The following SEPTIN2 variants were observed in gnomAD, a reference collection of about 807,000 sequenced individuals.
SEPTIN2 encodes septin-2.
A neutral mutation model predicts 46.5 loss-of-function variants in SEPTIN2; 34 were observed. That is an observed-to-expected ratio of 0.73 (90% CI 0.56 to 0.97). SEPTIN2 has a LOEUF of 0.97. Ranked by LOEUF, SEPTIN2 falls within the 50% of genes least tolerant of loss-of-function variation. The probability of loss-of-function intolerance (pLI) is 0.00; values close to 1 mark genes in which losing one functional copy is unlikely to be tolerated. For synonymous variants in SEPTIN2, 175 were observed against 153.4 expected, an observed-to-expected ratio of 1.14 and a Z score of -1.04; for missense variants, 347 against 448.4, an observed-to-expected ratio of 0.77 and a Z score of 2.04.
chr2:241,322,822 G>A (rs2077340220), intron 1 of SEPTIN2, among the ~76,000 whole-genome samples: 1 of 152,042 alleles, frequency 6.6e-6, no homozygotes, highest in Non-Finnish European at 1.5e-5. Context: ...TCTATGTAAT[G>A]AAGTCCCTTA....
chr2:241,324,320 A>G, intron 2 of SEPTIN2, 79 bp downstream of exon 2: 7 of 1,120,704 alleles, frequency 6.2e-6, no homozygotes, highest in Non-Finnish European at 8.0e-6. Context: ...CGGGACTTAT[A>G]TGATTCATTA....
rs73002137 is a variant in SEPTIN2 at position 241,353,101 on chromosome 2, G to A, written c.*1164G>A. 1 of 152,182 alleles carries A rather than the reference G, an allele frequency of 6.6e-6. No individual in the cohort carries two copies. The highest frequency in any genetic ancestry group is 1.5e-5 in the Non-Finnish European group (1 of 68,040). 9.4% of individuals were successfully genotyped at this position (152,182 alleles called of 1,614,324 possible). A position where few individuals can be genotyped will look rare whatever the true frequency, so the allele number is the denominator to read the frequency against. On this transcript the variant is annotated 3_prime_UTR_variant, in exon 13 of 13. Coordinates refer to ENST00000391971, the MANE Select transcript of SEPTIN2 (RefSeq NM_004404.5). Reference sequence around the variant, plus strand: ...TTTTTGAGTAATTTTCTGATGGGAGGAAAGTAGCAGTCATCATCTTTTTGT... The same window carrying A: ...TTTTTGAGTAATTTTCTGATGGGAGAAAAGTAGCAGTCATCATCTTTTTGT...
chr2:241,317,090 C>T (rs2076438987), intron 1 of SEPTIN2: 1 of 152,264 alleles, frequency 6.6e-6, no homozygotes, highest in Non-Finnish European at 1.5e-5. Context: ...TTTAATGTTT[C>T]AAAATAGTTC....
At chr2:241,337,347 C>T in intron 5 of SEPTIN2, 35 bp from the exon 6 acceptor site, 1 of 1,597,190 alleles carries the variant, frequency 6.3e-7, no homozygotes, top group Non-Finnish European at 8.6e-7. Flanking sequence ...TGTTTTATAC[C>T]CTATGATTAT....
At chr2:241,345,925 T>C (rs576484310) in intron 9 of SEPTIN2, among the ~76,000 whole-genome samples, 2 of 152,166 alleles carry the variant, frequency 1.3e-5, no homozygotes, top group African/African-American at 4.8e-5. Context: ...GAAATCCCCC[T>C]GAGAGACTCA....
chr2:241,334,218 T>A (rs13403052), intron 3 of SEPTIN2, among the ~76,000 whole-genome samples: 2,679 of 152,212 alleles, frequency 0.018, 81 homozygotes, highest in African/African-American at 0.061. Flanking sequence ...CCTCATGCTT[T>A]GCAGAACTTA....
At chr2:241,350,822 G>A (rs758790382) in intron 12 of SEPTIN2, among the ~76,000 whole-genome samples, 36 of 152,260 alleles carry the variant, frequency 2.4e-4, no homozygotes, top group Admixed American at 5.2e-4. Flanking sequence ...AAAGGCAGAT[G>A]CCCACTCCCC....
At chr2:241,318,358 C>T (rs1167253320) in intron 1 of SEPTIN2, 2 of 152,188 alleles carry the variant, frequency 1.3e-5, no homozygotes, top group African/African-American at 4.8e-5. Context: ...AGTGCCTGCT[C>T]TTTTCTATCC....
intron 10 of SEPTIN2, chr2:241,346,475 C>T (rs755656036): frequency 4.9e-5 from 14 of 283,912 alleles, no homozygotes; most frequent in Non-Finnish European, 8.7e-5. Flanking sequence ...AGGCCAGGCA[C>T]GGTGGCTCAT....
chr2:241,329,071 G>A (rs1032348088), intron 3 of SEPTIN2, among the ~76,000 whole-genome samples: 7 of 152,014 alleles, frequency 4.6e-5, no homozygotes, highest in African/African-American at 1.7e-4. Flanking sequence ...TGTATGTGGC[G>A]GGGAGTAGAA....
chr2:241,348,134 G>A lies in SEPTIN2; in HGVS notation c.927G>A (p.Arg309=). ...FRSERLKRGG[R]KVENEDMNKD... is the part of the protein sequence containing the mutation. ...GATTCTGATTTCTTTCGATTCTTAG[G>A]AAAGTGGAGAATGAGGACATGAATA... The change falls in exon 11 of 13, where the codon AGG becomes AGA. Residue 309 remains arginine, a splice_region_variant and synonymous_variant. Transcript: ENST00000391971. 1.2e-6 allele frequency: 2 copies of A among 1,611,314 alleles called. No individual in the cohort carries two copies. Among genetic ancestry groups the A allele is most frequent in the African/African-American group, 2.7e-5 (2 of 74,874 alleles).
At chr2:241,328,778 TGAG>T (rs1424374352) in intron 3 of SEPTIN2, among the ~76,000 whole-genome samples, 3 of 146,058 alleles carry the variant, frequency 2.1e-5, no homozygotes, top group South Asian at 2.2e-4. Flanking sequence ...TCCCAGCACT[TGAG>T]GAGGCTAGGC....
chr2:241,345,703 A>G (rs2060166989), intron 9 of SEPTIN2, among the ~76,000 whole-genome samples: 2 of 152,230 alleles, frequency 1.3e-5, no homozygotes, highest in African/African-American at 2.4e-5. Flanking sequence ...GGTCTTGTAC[A>G]TAGCTTAAGC....
chr2:241,344,007 C>A, intron 9 of SEPTIN2, 110 bp downstream of exon 9: 1 of 1,302,452 alleles, frequency 7.7e-7, no homozygotes, highest in Non-Finnish European at 1.1e-6. Flanking sequence ...GCTTCATTGC[C>A]GCCCTCAGTG....
intron 2 of SEPTIN2, chr2:241,325,288 C>T (rs562856356): frequency 6.6e-6 from 1 of 152,258 alleles, no homozygotes; most frequent in African/African-American, 2.4e-5. Context: ...CTGGTTACTT[C>T]TGCTATTCTT....
chr2:241,334,270 A>AGTAGT (rs2079530604), intron 3 of SEPTIN2, among the ~76,000 whole-genome samples: 1 of 152,210 alleles, frequency 6.6e-6, no homozygotes, highest in Non-Finnish European at 1.5e-5. Flanking sequence ...GTCCAGCACC[A>AGTAGT]GTAGTACCAA....
intron 1 of SEPTIN2, among the ~76,000 whole-genome samples, chr2:241,322,312 C>T (rs1430257026): frequency 6.6e-6 from 1 of 152,072 alleles, no homozygotes; most frequent in East Asian, 1.9e-4. Context: ...TTTAAAAATT[C>T]CACATATCTC....
chr2:241,321,975 T>C (rs2077195955), intron 1 of SEPTIN2, among the ~76,000 whole-genome samples: 1 of 152,188 alleles, frequency 6.6e-6, no homozygotes, highest in Non-Finnish European at 1.5e-5. Context: ...CTCTCAATTC[T>C]TAGGTTTTGC....
intron 11 of SEPTIN2, 97 bp downstream of exon 11, chr2:241,348,288 C>T (rs1403091778): frequency 1.2e-5 from 11 of 938,674 alleles, no homozygotes; most frequent in Non-Finnish European, 1.5e-5. Flanking sequence ...AGTGCAGTGG[C>T]GTGATCTCGG....
Sources: allele counts gnomAD v4.1 joint callset (sites outside exome capture counted in the v4.1 genomes callset), GRCh38; gene constraint gnomAD v4.1.1; transcripts MANE v1.5; gene names NCBI Gene and HGNC (gene_info 2026-07-23, HGNC 2026-07-21).